RBMS3: variants seen among roughly 807,000 people sequenced by gnomAD.
RBMS3 encodes the protein RNA binding motif single stranded interacting protein 3.
In RBMS3, 27 loss-of-function variants were observed where a neutral mutation model predicts 66.8. That is an observed-to-expected ratio of 0.40 (90% CI 0.30 to 0.56). RBMS3 has a LOEUF of 0.56. Among genes scored for constraint, RBMS3 ranks in the 20% least tolerant of loss-of-function variants. The pLI is 0.40. For missense variants in RBMS3, 513 were observed against 549.5 expected, an observed-to-expected ratio of 0.93 and a Z score of 0.66; for synonymous variants, 188 against 183.0, an observed-to-expected ratio of 1.03 and a Z score of -0.22.
At chr3:29,857,100 A>C (rs747527558) in intron 6 of RBMS3, among the ~76,000 whole-genome samples, 4 of 152,164 alleles carry the variant, frequency 2.6e-5, no homozygotes, top group Non-Finnish European at 5.9e-5. Flanking sequence ...TCATACCTGC[A>C]TTGTAACATA....
At chr3:29,383,300 T>C (rs997159938) in intron 1 of RBMS3, among the ~76,000 whole-genome samples, 1 of 152,248 alleles carries the variant, frequency 6.6e-6, no homozygotes, top group African/African-American at 2.4e-5. Flanking sequence ...GCTTGGTTTC[T>C]CTCGTCACTT....
intron 6 of RBMS3, among the ~76,000 whole-genome samples, chr3:29,793,979 C>A (rs1048524058): frequency 2.6e-5 from 4 of 152,126 alleles, no homozygotes; most frequent in African/African-American, 9.7e-5. Flanking sequence ...GGTTAGAAGG[C>A]ATCTGCCTCC....
chr3:29,413,559 A>G (rs1036303475), intron 1 of RBMS3, among the ~76,000 whole-genome samples: 16 of 152,250 alleles, frequency 1.1e-4, no homozygotes, highest in African/African-American at 3.6e-4. Flanking sequence ...GTTTTATTTA[A>G]TAGTTACACT....
At chr3:29,994,752 C>A (rs1025080046) in intron 14 of RBMS3, among the ~76,000 whole-genome samples, 1 of 152,296 alleles carries the variant, frequency 6.6e-6, no homozygotes, top group East Asian at 1.9e-4. Flanking sequence ...GAAAGGACAT[C>A]CACACCAAAA....
At chr3:29,996,584 C>T (rs1262221041) in intron 14 of RBMS3, among the ~76,000 whole-genome samples, 39 of 149,722 alleles carry the variant, frequency 2.6e-4, no homozygotes, top group African/African-American at 9.6e-4. Context: ...GACCACAGTG[C>T]AATCAAACTA....
At chr3:29,792,099 G>A (rs554206921) in intron 6 of RBMS3, among the ~76,000 whole-genome samples, 2 of 152,104 alleles carry the variant, frequency 1.3e-5, no homozygotes, top group Non-Finnish European at 2.9e-5. Flanking sequence ...CCTGGGACCA[G>A]AATTCATTTT....
chr3:29,760,270 T>C (rs2028407), intron 5 of RBMS3, among the ~76,000 whole-genome samples: 60,850 of 139,470 alleles, frequency 0.44, 12,483 homozygotes, highest in African/African-American at 0.54. Flanking sequence ...CACACACACA[T>C]ACACACACAC....
chr3:29,372,161 C>G (rs2038239754), intron 1 of RBMS3, among the ~76,000 whole-genome samples: 1 of 152,098 alleles, frequency 6.6e-6, no homozygotes, highest in Non-Finnish European at 1.5e-5. Context: ...AACCCTGTCT[C>G]TACTAAACTA....
At chr3:29,818,937 A>C (rs898990124) in intron 6 of RBMS3, among the ~76,000 whole-genome samples, 1 of 152,220 alleles carries the variant, frequency 6.6e-6, no homozygotes, top group Non-Finnish European at 1.5e-5. Context: ...CCACATAACT[A>C]AAATGCAAAG....
chr3:29,740,023 T>G, intron 5 of RBMS3, 146 bp downstream of exon 5: 1 of 604,558 alleles, frequency 1.7e-6, no homozygotes, highest in Non-Finnish European at 2.6e-6. Flanking sequence ...GTCATCCCTC[T>G]GTGTCTTTGC....
At chr3:29,986,240 C>G (rs1698384024) in intron 12 of RBMS3, among the ~76,000 whole-genome samples, 1 of 152,190 alleles carries the variant, frequency 6.6e-6, no homozygotes, top group African/African-American at 2.4e-5. Context: ...AAAATATATT[C>G]TCACTTGCTA....
At chr3:29,450,923 ACACACACACC>A (rs1326598510) in intron 2 of RBMS3, among the ~76,000 whole-genome samples, 11 of 124,244 alleles carry the variant, frequency 8.9e-5, no homozygotes, top group South Asian at 4.9e-4. Flanking sequence ...ACACACACAC[ACACACACACC>A]CCCCACACAC....
chr3:29,425,211 A>C (rs113571407), intron 1 of RBMS3, among the ~76,000 whole-genome samples: 2,065 of 104,946 alleles, frequency 0.02, 31 homozygotes, highest in African/African-American at 0.07. Context: ...ACCCCCCAAA[A>C]AAAACAAAAA....
chr3:29,457,180 A>G (rs1164749162), intron 2 of RBMS3, among the ~76,000 whole-genome samples: 1 of 152,128 alleles, frequency 6.6e-6, no homozygotes, highest in Non-Finnish European at 1.5e-5. Flanking sequence ...CCACCTCCAT[A>G]GTCAACCAGT....
intron 2 of RBMS3, among the ~76,000 whole-genome samples, chr3:29,455,634 T>C (rs1025205143): frequency 6.6e-6 from 1 of 152,138 alleles, no homozygotes; most frequent in Non-Finnish European, 1.5e-5. Flanking sequence ...GTTTATAATT[T>C]ACAAACTCAA....
chr3:29,991,388 T>G (rs1559870650), intron 14 of RBMS3, 179 bp downstream of exon 14: 16 of 948,756 alleles, frequency 1.7e-5, no homozygotes, highest in Non-Finnish European at 2.1e-5. Flanking sequence ...TGGATGGTTC[T>G]TCTGATCTTG....
chr3:29,958,353 C>T (rs4552316), intron 12 of RBMS3, among the ~76,000 whole-genome samples: 2 of 151,940 alleles, frequency 1.3e-5, no homozygotes, highest in African/African-American at 2.4e-5. Context: ...TTCTTGAATT[C>T]CTTACTCTCA....
At chr3:29,633,059 C>T (rs1559524473) in intron 4 of RBMS3, among the ~76,000 whole-genome samples, 1 of 151,790 alleles carries the variant, frequency 6.6e-6, no homozygotes, top group African/African-American at 2.4e-5. Context: ...TAGGTTTTTG[C>T]TGTGCTTATC....
intron 12 of RBMS3, among the ~76,000 whole-genome samples, chr3:29,961,085 A>T (rs1219433655): frequency 2.0e-5 from 3 of 151,966 alleles, no homozygotes; most frequent in Admixed American, 1.3e-4. Context: ...AATTTTCCAA[A>T]CTTTTATGCT....
Sources: gnomAD v4.1 joint callset for allele counts (sites outside exome capture counted in the v4.1 genomes callset) on GRCh38, gnomAD v4.1.1 for gene constraint, MANE v1.5 for transcripts, NCBI Gene and HGNC (gene_info 2026-07-23, HGNC 2026-07-21) for gene names.